LHX8: variants seen among roughly 807,000 people sequenced by gnomAD.
The protein encoded by LHX8 is LIM homeobox 8.
LHX8 carries 12 observed loss-of-function variants against 40.3 expected under a neutral mutation model. The ratio of observed to expected loss-of-function variants is 0.30; its 90% CI spans 0.19 to 0.48. LHX8 has a LOEUF of 0.48. Ranked by LOEUF, LHX8 falls within the 20% of genes least tolerant of loss-of-function variation. The pLI, the probability that LHX8 is intolerant of heterozygous loss-of-function variation, is 0.99. For missense variants in LHX8, 344 were observed against 433.7 expected (o/e 0.79, Z 1.84); for synonymous variants, 179 against 162.0 (o/e 1.10, Z -0.80).
At chr1:75,156,330 C>T (rs1354034289) in intron 7 of LHX8, among the ~76,000 whole-genome samples, 1 of 152,078 alleles carries the variant, frequency 6.6e-6, no homozygotes. Flanking sequence ...CAACCTCTGC[C>T]TCCTGGGCTC....
At chr1:75,195,188 T>C in the LHX8 span, among the ~76,000 whole-genome samples, 2 of 152,186 alleles carry the variant, frequency 1.3e-5, no homozygotes, top group Non-Finnish European at 2.9e-5. Context: ...TGTCTTACCA[T>C]GTTAAATTTT....
At chr1:75,172,458 G>C in the LHX8 span, among the ~76,000 whole-genome samples, 1 of 152,172 alleles carries the variant, frequency 6.6e-6, no homozygotes, top group Non-Finnish European at 1.5e-5. Flanking sequence ...GGTGAAATGA[G>C]GAAAGACTGA....
chr1:75,183,565 T>A, the LHX8 span, among the ~76,000 whole-genome samples: 2 of 152,108 alleles, frequency 1.3e-5, no homozygotes, highest in Admixed American at 1.3e-4. Context: ...CCTTTCCCTA[T>A]AAGCAAATGG....
chr1:75,182,369 C>CTTTTTTTT, the LHX8 span, among the ~76,000 whole-genome samples: 7 of 92,318 alleles, frequency 7.6e-5, no homozygotes, highest in Admixed American at 1.3e-4. Context: ...TGCCTATTTC[C>CTTTTTTTT]TTTTTTTTTT....
chr1:75,183,922 C>T, the LHX8 span, among the ~76,000 whole-genome samples: 1 of 152,104 alleles, frequency 6.6e-6, no homozygotes, highest in African/African-American at 2.4e-5. Flanking sequence ...AGAGTAAAGG[C>T]ATGGAGGAAA....
chr1:75,137,344 C>T, intron 3 of LHX8, 83 bp downstream of exon 3: 1 of 1,390,444 alleles, frequency 7.2e-7, no homozygotes, highest in Non-Finnish European at 1.0e-6. Context: ...TTCCTCCCAC[C>T]AACCTTTCCG....
chr1:75,177,513 C>T, the LHX8 span, among the ~76,000 whole-genome samples: 15 of 152,120 alleles, frequency 9.9e-5, no homozygotes, highest in Non-Finnish European at 8.8e-5. Flanking sequence ...GTGATTTTTG[C>T]ACATTGATTT....
chr1:75,177,645 T>C, the LHX8 span, among the ~76,000 whole-genome samples: 27 of 152,314 alleles, frequency 1.8e-4, no homozygotes, highest in African/African-American at 5.8e-4. Context: ...CTTCCTCTTT[T>C]CCTAATTGAA....
chr1:75,136,573 T>C, intron 1 of LHX8, 30 bp from the exon 2 acceptor site: 1 of 1,483,604 alleles, frequency 6.7e-7, no homozygotes, highest in Non-Finnish European at 9.2e-7. Context: ...GATCTGTTTC[T>C]CCATACTTTC....
At chr1:75,194,238 G>A in the LHX8 span, among the ~76,000 whole-genome samples, 2 of 152,140 alleles carry the variant, frequency 1.3e-5, no homozygotes, top group South Asian at 2.1e-4. Context: ...TTCCACCTGT[G>A]TAAGACCCCA....
the LHX8 span, among the ~76,000 whole-genome samples, chr1:75,194,757 G>A: frequency 2.6e-5 from 4 of 152,208 alleles, no homozygotes; most frequent in African/African-American, 7.2e-5. Context: ...CTAGGATCAG[G>A]AAGTGTTGAC....
chr1:75,169,405 T>C, the LHX8 span, among the ~76,000 whole-genome samples: 11 of 152,268 alleles, frequency 7.2e-5, no homozygotes, highest in South Asian at 2.3e-3. Context: ...AGATATTAAA[T>C]ATAATGCAGT....
chr1:75,161,169 T>G lies in LHX8; in HGVS notation c.*274T>G, dbSNP rs1019866658. On this transcript the variant is annotated 3_prime_UTR_variant, in exon 9 of 9. Transcript: ENST00000356261. ...TTCACTCTAGTGTGTATCTGTTAAT[T>G]TATTTGTCATCAAAAGAGCACTTTG... is the stretch of plus-strand genomic sequence containing the variant. 5 of 377,972 alleles carry G rather than the reference T, an allele frequency of 1.3e-5. No homozygotes were observed. Among genetic ancestry groups the G allele is most frequent in the African/African-American group, 1.0e-4 (5 of 48,230 alleles). The allele number at this position is 377,972 out of a possible 1,614,324, so 23.4% of individuals were successfully genotyped here. A position where few individuals can be genotyped will look rare whatever the true frequency, so the allele number is the denominator to read the frequency against.
chr1:75,143,332 G>C lies in LHX8; in HGVS notation c.574G>C (p.Glu192Gln), dbSNP rs755990929. Reference sequence around the variant, plus strand: ...GCTGGATAATTTAAAAAGAGAAGTAGAAAATGGTAAATATGTACTTAAATA... The same window carrying C: ...GCTGGATAATTTAAAAAGAGAAGTACAAAATGGTAAATATGTACTTAAATA... The part of the protein sequence containing the change: ...CMLDNLKREV[E>Q]NGNGISVEGA... Residue 192 changes from glutamate to glutamine, a missense_variant, in exon 5 of 9, where the codon GAA becomes CAA. By Grantham distance (29) the Glu-to-Gln change is conservative. Coordinates refer to ENST00000356261, the MANE Select transcript of LHX8 (RefSeq NM_001256114.2). 1.2e-6 allele frequency: 2 copies of C among 1,606,200 alleles called. No homozygotes were observed. The highest frequency in any genetic ancestry group is 4.5e-5 in the East Asian group (2 of 44,736).
chr1:75,172,242 C>A, the LHX8 span, among the ~76,000 whole-genome samples: 3 of 152,144 alleles, frequency 2.0e-5, no homozygotes, highest in African/African-American at 7.2e-5. Flanking sequence ...ATGTATGAGA[C>A]CACTATACCA....
rs1279020788 is a variant in LHX8, at chr1:75,137,063, G to A, written c.76-37G>A. 4.5e-6 allele frequency: 7 copies of A among 1,563,490 alleles called. No individual in the cohort carries two copies. In the East Asian group the frequency reaches 1.6e-4, roughly 36 times the overall value. ...GTAGGTGGGATGCGAAGGGGAGGAGGGGTCTAGAACCGCCTGCGCCTCGCG... is the reference window on the plus strand; with the variant it reads ...GTAGGTGGGATGCGAAGGGGAGGAGAGGTCTAGAACCGCCTGCGCCTCGCG... On this transcript the variant is annotated intron_variant, in intron 2 of 8. Coordinates refer to ENST00000356261, the MANE Select transcript of LHX8 (RefSeq NM_001256114.2).
chr1:75,150,806 A>G (rs1017896173), intron 7 of LHX8, among the ~76,000 whole-genome samples: 8 of 150,654 alleles, frequency 5.3e-5, no homozygotes, highest in African/African-American at 2.0e-4. Context: ...CCTTCTGAGT[A>G]GCTGGGATTA....
intron 3 of LHX8, among the ~76,000 whole-genome samples, chr1:75,140,345 A>T (rs780742053): frequency 3.3e-5 from 5 of 152,182 alleles, no homozygotes; most frequent in Non-Finnish European, 7.4e-5. Context: ...ATCAGTAAGC[A>T]GTTTTACCAA....
the LHX8 span, among the ~76,000 whole-genome samples, chr1:75,178,726 G>T: frequency 6.6e-6 from 1 of 152,132 alleles, no homozygotes; most frequent in Non-Finnish European, 1.5e-5. Flanking sequence ...TTTTGAATGT[G>T]TTTGCTCTTG....
Sources: gnomAD v4.1 joint callset for allele counts (sites outside exome capture counted in the v4.1 genomes callset) on GRCh38, gnomAD v4.1.1 for gene constraint, MANE v1.5 for transcripts, NCBI Gene and HGNC (gene_info 2026-07-23, HGNC 2026-07-21) for gene names.